DNAI4: variants seen among roughly 807,000 people sequenced by gnomAD.
DNAI4 encodes WD repeat domain 78.
In DNAI4, 85 loss-of-function variants were observed where a neutral mutation model predicts 105.8. The ratio of observed to expected loss-of-function variants is 0.80; its 90% confidence interval spans 0.67 to 0.96. The LOEUF (loss-of-function observed/expected upper bound fraction) is 0.96, where lower values mean the gene tolerates loss of function less well. DNAI4 is among the 40% of genes least tolerant of loss of function. DNAI4 has a pLI of 0.00. For synonymous variants in DNAI4, 352 were observed against 331.5 expected, an observed-to-expected ratio of 1.06 and a Z score of -0.67; for missense variants, 1,014 against 1,005.6, an observed-to-expected ratio of 1.01 and a Z score of -0.11.
At chr1:66,871,889 T>C (rs369568261) in intron 5 of DNAI4, among the ~76,000 whole-genome samples, 1 of 152,244 alleles carries the variant, frequency 6.6e-6, no homozygotes, top group Non-Finnish European at 1.5e-5. Context: ...TTGAGATTTA[T>C]GTTATTAACT....
At chr1:66,903,030 C>T (rs1180183617) in intron 2 of DNAI4, among the ~76,000 whole-genome samples, 2 of 152,168 alleles carry the variant, frequency 1.3e-5, no homozygotes, top group Admixed American at 1.3e-4. Context: ...ATTTGCATCT[C>T]TTGATATTTC....
chr1:66,886,316 T>G (rs1181515329), intron 4 of DNAI4, among the ~76,000 whole-genome samples: 2 of 152,232 alleles, frequency 1.3e-5, no homozygotes, highest in African/African-American at 4.8e-5. Flanking sequence ...TTTTTAAATT[T>G]GTATCATAAC....
intron 1 of DNAI4, among the ~76,000 whole-genome samples, chr1:66,911,033 G>T (rs1649619142): frequency 6.6e-6 from 1 of 152,120 alleles, no homozygotes; most frequent in African/African-American, 2.4e-5. Flanking sequence ...GATAGTCTCA[G>T]ATCCTACAGG....
At chr1:66,827,306 A>C (rs2100373155) in intron 14 of DNAI4, among the ~76,000 whole-genome samples, 1 of 152,068 alleles carries the variant, frequency 6.6e-6, no homozygotes, top group Non-Finnish European at 1.5e-5. Flanking sequence ...GAGTATTAAG[A>C]AAAAAAAGAA....
intron 10 of DNAI4, among the ~76,000 whole-genome samples, chr1:66,836,426 A>G (rs1646028387): frequency 6.6e-6 from 1 of 152,016 alleles, no homozygotes; most frequent in Admixed American, 6.5e-5. Flanking sequence ...TAGTATCACC[A>G]TCACCTGTCT....
chr1:66,847,852 T>C (rs1646311485), intron 7 of DNAI4, 174 bp from the exon 8 acceptor site: 2 of 567,586 alleles, frequency 3.5e-6, no homozygotes, highest in Non-Finnish European at 6.0e-6. Flanking sequence ...GATGCACATA[T>C]CTCATTTTGG....
At chr1:66,818,680 A>G (rs544319387) in intron 16 of DNAI4, among the ~76,000 whole-genome samples, 322 of 152,310 alleles carry the variant, frequency 2.1e-3, no homozygotes, top group African/African-American at 7.5e-3. Flanking sequence ...GCACTTTGGG[A>G]GGCCGAGGTG....
At chr1:66,814,232 G>T (rs749559962) in intron 16 of DNAI4, 52 bp from the exon 17 acceptor site, 2 of 1,399,238 alleles carry the variant, frequency 1.4e-6, no homozygotes, top group South Asian at 2.5e-5. Context: ...AAATTAAAAG[G>T]TAAAGTAGTC....
chr1:66,893,003 A>AAGAAAGAG lies in DNAI4; in HGVS notation c.530+225_530+226insCTCTTTCT, dbSNP rs1457709725. On this transcript the variant is annotated intron_variant, in intron 3 of 16. Coordinates refer to ENST00000371026, the MANE Select transcript of DNAI4 (RefSeq NM_024763.5). ...AAAGAAAGAAAGAAAGAAAGAGAGA[A>AAGAAAGAG]AGAGAGAGAGGAAAGAAAGAAAGAA... Among the ~76,000 whole-genome samples, 43 of 112,008 alleles carry AAGAAAGAG rather than the reference A, an allele frequency of 3.8e-4. 3 individuals are homozygous for AAGAAAGAG. The highest frequency in any genetic ancestry group is 1.5e-3 in the African/African-American group (40 of 27,362). 73.5% of individuals were successfully genotyped at this position (112,008 alleles called of 152,430 possible). A position where few individuals can be genotyped will look rare whatever the true frequency, so the allele number is the denominator to read the frequency against.
intron 5 of DNAI4, among the ~76,000 whole-genome samples, chr1:66,873,450 C>T (rs959232360): frequency 6.7e-6 from 1 of 149,598 alleles, no homozygotes; most frequent in Non-Finnish European, 1.5e-5. Context: ...ATAGGGCTCT[C>T]GCCATGTTGC....
At chr1:66,849,990 A>G (rs1646362082) in intron 7 of DNAI4, among the ~76,000 whole-genome samples, 1 of 152,090 alleles carries the variant, frequency 6.6e-6, no homozygotes, top group Admixed American at 6.6e-5. Flanking sequence ...TGAGCCTGAA[A>G]AAGTACTTAA....
intron 1 of DNAI4, among the ~76,000 whole-genome samples, chr1:66,922,668 A>T (rs1477843347): frequency 6.6e-6 from 1 of 152,184 alleles, no homozygotes. Flanking sequence ...GCAGGTAGAA[A>T]TGGTAAAATT....
At chr1:66,861,638 G>A (rs753903820) in intron 7 of DNAI4, among the ~76,000 whole-genome samples, 17 of 152,162 alleles carry the variant, frequency 1.1e-4, no homozygotes, top group Non-Finnish European at 1.3e-4. Flanking sequence ...AAAATTCTTT[G>A]TTGCAGGGAC....
At chr1:66,873,854 T>A (rs1646903670) in intron 5 of DNAI4, among the ~76,000 whole-genome samples, 2 of 141,332 alleles carry the variant, frequency 1.4e-5, no homozygotes, top group Non-Finnish European at 3.1e-5. Context: ...CCTCTTTCCT[T>A]TTTTTTTTTT....
At chr1:66,884,134 T>C (rs1238182114) in intron 4 of DNAI4, among the ~76,000 whole-genome samples, 2 of 152,266 alleles carry the variant, frequency 1.3e-5, no homozygotes, top group African/African-American at 4.8e-5. Flanking sequence ...TAATTCATTA[T>C]ATCCATGTTG....
intron 1 of DNAI4, among the ~76,000 whole-genome samples, chr1:66,917,420 G>T (rs1650146841): frequency 6.6e-6 from 1 of 152,122 alleles, no homozygotes; most frequent in Non-Finnish European, 1.5e-5. Context: ...GTTCTTAAAT[G>T]CAAGTTTCTG....
chr1:66,923,217 C>A (rs1211370085), intron 1 of DNAI4, among the ~76,000 whole-genome samples: 1 of 152,180 alleles, frequency 6.6e-6, no homozygotes, highest in Non-Finnish European at 1.5e-5. Flanking sequence ...GCATTTTCAT[C>A]ATTATGCAAA....
intron 6 of DNAI4, among the ~76,000 whole-genome samples, chr1:66,865,401 G>A (rs1446256288): frequency 6.6e-6 from 1 of 152,160 alleles, no homozygotes; most frequent in Non-Finnish European, 1.5e-5. Flanking sequence ...TTCAACCTGG[G>A]TGTCAGAGCA....
intron 8 of DNAI4, among the ~76,000 whole-genome samples, chr1:66,842,831 T>C (rs1383623703): frequency 6.6e-6 from 1 of 152,230 alleles, no homozygotes; most frequent in Non-Finnish European, 1.5e-5. Flanking sequence ...GTCAGTGTTT[T>C]GGATTTGCCC....
Sources: gnomAD v4.1 joint callset for allele counts (sites outside exome capture counted in the v4.1 genomes callset) on GRCh38, gnomAD v4.1.1 for gene constraint, MANE v1.5 for transcripts, NCBI Gene and HGNC (gene_info 2026-07-23, HGNC 2026-07-21) for gene names.